The following KIF3A variants were observed in gnomAD, a reference collection of about 807,000 sequenced individuals.
The protein encoded by KIF3A is kinesin family member 3A.
In KIF3A, 27 loss-of-function variants were observed where a neutral mutation model predicts 92.6. That is an observed-to-expected ratio of 0.29 (90% CI 0.21 to 0.40). The LOEUF (loss-of-function observed/expected upper bound fraction) is 0.40, where lower values mean the gene tolerates loss of function less well. Ranked by LOEUF, KIF3A falls within the 10% of genes least tolerant of loss-of-function variation. The pLI is 1.00. For missense variants in KIF3A, 581 were observed against 872.6 expected (o/e 0.67, Z 4.21); for synonymous variants, 250 against 275.4 (o/e 0.91, Z 0.92).
rs796197058 is a variant in KIF3A at position 132,707,130 on chromosome 5, C to CT, written c.1301-672dup. Among the ~76,000 whole-genome samples, 427 of 144,022 alleles carry CT rather than the reference C, an allele frequency of 3.0e-3. 2 individuals are homozygous for CT. Among genetic ancestry groups the CT allele is most frequent in the Middle Eastern group, 7.2e-3 (2 of 278 alleles). The allele number at this position is 144,022 out of a possible 152,430, so 94.5% of individuals were successfully genotyped here. On this transcript the variant is annotated intron_variant, in intron 10 of 18. Transcript: ENST00000403231. ...TCCGATTTCCCAACCGGATTAAGGG[C>CT]TTTTTTTTTTTTCCAGAAAATAAAA...
intron 6 of KIF3A, 74 bp downstream of exon 6, chr5:132,716,771 T>G: frequency 6.7e-7 from 1 of 1,490,204 alleles, no homozygotes; most frequent in South Asian, 1.2e-5. Context: ...CCTTTTCACT[T>G]TAATTTTCAT....
At chr5:132,721,641 A>G (rs1753828479) in intron 4 of KIF3A, 1 of 152,128 alleles carries the variant, frequency 6.6e-6, no homozygotes, top group Non-Finnish European at 1.5e-5. Flanking sequence ...ATAACAATTG[A>G]TAAGATAAAT....
rs753821683 is a variant in KIF3A at position 132,737,395 on chromosome 5, G to A, written c.6+19C>T. The A allele has an allele frequency of 1.2e-6, 2 of 1,608,080 alleles. No individual in the cohort carries two copies. The highest frequency in any genetic ancestry group is 2.3e-5 in the East Asian group (1 of 43,976). ...GCTAGGATGAGAAGAAACCCCAGAAGCGAAGCGACTCTCCTCACCGGCATC... is the reference window on the plus strand; with the variant it reads ...GCTAGGATGAGAAGAAACCCCAGAAACGAAGCGACTCTCCTCACCGGCATC... On this transcript the variant is annotated intron_variant, in intron 1 of 18. Transcript: ENST00000403231.
At chr5:132,718,622 T>G (rs1288430717) in intron 5 of KIF3A, among the ~76,000 whole-genome samples, 1 of 151,590 alleles carries the variant, frequency 6.6e-6, no homozygotes, top group Non-Finnish European at 1.5e-5. Context: ...TTGTTTTTTT[T>G]GTTGTTGTTT....
chr5:132,720,491 G>T (rs1408171461), intron 5 of KIF3A, 118 bp downstream of exon 5: 4 of 586,616 alleles, frequency 6.8e-6, no homozygotes, highest in Non-Finnish European at 9.2e-6. Flanking sequence ...AAAGTGGAAT[G>T]GTTTTCAAGA....
downstream of KIF3A, among the ~76,000 whole-genome samples, chr5:132,691,850 T>C (rs974357304): frequency 2.6e-5 from 4 of 151,556 alleles, no homozygotes; most frequent in Non-Finnish European, 5.9e-5. Context: ...TGCAGTGAGC[T>C]AAGACTGTGC....
chr5:132,724,095 A>G (rs1192499065), intron 4 of KIF3A, among the ~76,000 whole-genome samples: 1 of 152,210 alleles, frequency 6.6e-6, no homozygotes, highest in Non-Finnish European at 1.5e-5. Context: ...CAAAACCACA[A>G]TGAGATATCA....
At chr5:132,730,130 G>T (rs147741786) in intron 2 of KIF3A, among the ~76,000 whole-genome samples, 31 of 152,344 alleles carry the variant, frequency 2.0e-4, no homozygotes, top group African/African-American at 6.7e-4. Flanking sequence ...CAACTTAGAT[G>T]AAACGGACTA....
rs773535182 is a variant in KIF3A, at chr5:132,696,656, A to G, written c.2159T>C (p.Val720Ala). 9.3e-6 allele frequency: 15 copies of G among 1,610,612 alleles called. No individual in the cohort carries two copies. The Admixed American group carries it at 2.5e-4, about 27-fold the overall frequency. The part of the protein sequence containing the change: ...RRKRSAKPET[V>A]IDSLLQ ...CATTTACTGCAGTAAAGAGTCAATT[A>G]CAGTTTCAGGCTTTGCAGAACGCTT... Residue 720 changes from valine to alanine, a missense_variant, in exon 19 of 19, where the codon GTA becomes GCA. This residue lies in a region of KIF3A where 112 missense variants were observed against 144.3 expected (regional missense o/e 0.78). Transcript: ENST00000403231.
intron 8 of KIF3A, among the ~76,000 whole-genome samples, chr5:132,713,944 TG>T (rs1176856789): frequency 7.3e-6 from 1 of 137,480 alleles, no homozygotes; most frequent in Non-Finnish European, 1.5e-5. Context: ...CCACCCAGGC[TG>T]GAGTGCAGTG....
downstream of KIF3A, among the ~76,000 whole-genome samples, chr5:132,690,661 C>T (rs1040321546): frequency 5.2e-4 from 17 of 32,970 alleles, no homozygotes; most frequent in African/African-American, 9.5e-4. Flanking sequence ...GGCGCGGTGG[C>T]TCATGCCTGT....
chr5:132,731,230 C>G (rs1437228627), intron 2 of KIF3A, among the ~76,000 whole-genome samples: 1 of 152,102 alleles, frequency 6.6e-6, no homozygotes, highest in Non-Finnish European at 1.5e-5. Context: ...TAGAAGAAAA[C>G]TATATACTTA....
chr5:132,714,903 T>C (rs1753564802), intron 8 of KIF3A, among the ~76,000 whole-genome samples: 1 of 152,258 alleles, frequency 6.6e-6, no homozygotes, highest in Non-Finnish European at 1.5e-5. Flanking sequence ...TGGCTATAAA[T>C]ACCACCTAGT....
chr5:132,727,521 G>A (rs1258240883), intron 2 of KIF3A, among the ~76,000 whole-genome samples: 1 of 152,162 alleles, frequency 6.6e-6, no homozygotes, highest in African/African-American at 2.4e-5. Flanking sequence ...AAAAAGAATG[G>A]AAATTTTGAG....
At chr5:132,697,477 C>G (rs1385615256) in intron 18 of KIF3A, 1 of 151,330 alleles carries the variant, frequency 6.6e-6, no homozygotes, top group South Asian at 2.1e-4. Flanking sequence ...GTAAAATTGA[C>G]AGATCTCAAG....
chr5:132,728,745 CAATAAATAAATAAATA>C (rs3048989), intron 2 of KIF3A, among the ~76,000 whole-genome samples: 1 of 149,578 alleles, frequency 6.7e-6, no homozygotes, highest in South Asian at 2.1e-4. Context: ...TCAAAAAATA[CAATAAATAAATAAATA>C]AATAAATAAA....
intron 4 of KIF3A, 111 bp downstream of exon 4, chr5:132,726,017 T>C: frequency 3.0e-6 from 2 of 670,542 alleles, no homozygotes; most frequent in Non-Finnish European, 5.1e-6. Flanking sequence ...ATGTACGAGA[T>C]TATTTAAAAT....
chr5:132,706,409 T>C (rs1474735502), intron 11 of KIF3A, 42 bp downstream of exon 11: 2 of 1,451,854 alleles, frequency 1.4e-6, no homozygotes, highest in Admixed American at 2.4e-5. Context: ...CTTTATAGGA[T>C]AAATAATTGT....
intron 17 of KIF3A, 98 bp from the exon 18 acceptor site, chr5:132,699,393 C>G: frequency 8.3e-7 from 1 of 1,208,010 alleles, no homozygotes; most frequent in Non-Finnish European, 1.2e-6. Flanking sequence ...CTTGATCAAA[C>G]CCACAGAAGC....
Sources: gnomAD v4.1 joint callset for allele counts (sites outside exome capture counted in the v4.1 genomes callset) on GRCh38, gnomAD v4.1.1 for gene constraint, gnomAD v4.1.1 regional missense constraint, MANE v1.5 for transcripts, NCBI Gene and HGNC (gene_info 2026-07-23, HGNC 2026-07-21) for gene names.